NOL10: variants seen among roughly 807,000 people sequenced by gnomAD.
NOL10 encodes nucleolar protein 10.
A neutral mutation model predicts 103.5 loss-of-function variants in NOL10; 58 were observed. That is an observed-to-expected ratio of 0.56 (90% CI 0.45 to 0.70). The LOEUF (loss-of-function observed/expected upper bound fraction) is 0.70, where lower values mean the gene tolerates loss of function less well. NOL10 is among the 30% of genes least tolerant of loss of function. The pLI is 0.00. For missense variants in NOL10, 763 were observed against 807.3 expected, an observed-to-expected ratio of 0.95 and a Z score of 0.67; for synonymous variants, 287 against 282.5, an observed-to-expected ratio of 1.02 and a Z score of -0.16.
chr2:10,651,214 G>A (rs1679431041), intron 12 of NOL10, among the ~76,000 whole-genome samples: 1 of 152,108 alleles, frequency 6.6e-6, no homozygotes, highest in Admixed American at 6.6e-5. Flanking sequence ...GTCTCTTTGG[G>A]CTTCTATATC....
rs532526160 is a variant in NOL10 at position 10,685,776 on chromosome 2, A to G, written c.67-1164T>C. 5.3e-5 allele frequency among the ~76,000 whole-genome samples: 8 copies of G among 151,740 alleles called. No individual in the cohort carries two copies. The South Asian group carries it at 1.0e-3, about 20-fold the overall frequency. ...AGCAGTAGTAAATAAAACAGGAGGG[A>G]AAAAAAAGCCCTCTTGGCCAAGTGC... On this transcript the variant is annotated intron_variant, in intron 1 of 20. Coordinates refer to ENST00000381685, the MANE Select transcript of NOL10 (RefSeq NM_024894.4).
intron 12 of NOL10, among the ~76,000 whole-genome samples, chr2:10,654,219 C>CGTTCCACTAATAGCTGGGCG (rs1329821432): frequency 6.6e-6 from 1 of 152,168 alleles, no homozygotes; most frequent in Non-Finnish European, 1.5e-5. Flanking sequence ...GCTGTTACCA[C>CGTTCCACTAATAGCTGGGCG]GTTCCACTAA....
chr2:10,675,777 T>C lies in NOL10; in HGVS notation c.289+17A>G. ...AAAAAGCCATTTTCATGAATTCAAA[T>C]TTAGCTTTTTACTCACCTTCTGAAT... On this transcript the variant is annotated intron_variant, in intron 4 of 20. Coordinates refer to ENST00000381685, the MANE Select transcript of NOL10 (RefSeq NM_024894.4). 6.9e-7 allele frequency: 1 copy of C among 1,444,206 alleles called. No homozygotes were observed. The highest frequency in any genetic ancestry group is 9.4e-7 in the Non-Finnish European group (1 of 1,062,088). The allele number at this position is 1,444,206 out of a possible 1,614,324, so 89.5% of individuals were successfully genotyped here.
chr2:10,689,733 G>T (rs1682494517), intron 1 of NOL10, 63 bp downstream of exon 1: 4 of 1,482,880 alleles, frequency 2.7e-6, no homozygotes, highest in East Asian at 2.4e-5. Context: ...GAGAGGGGCG[G>T]CTGCCCCACG....
chr2:10,626,384 T>A (rs1032596297), intron 13 of NOL10, among the ~76,000 whole-genome samples: 9 of 152,098 alleles, frequency 5.9e-5, no homozygotes, highest in African/African-American at 2.2e-4. Flanking sequence ...TACGTTGGGA[T>A]TTGAGAACAC....
chr2:10,655,041 C>T (rs1007630466), intron 11 of NOL10, among the ~76,000 whole-genome samples: 4 of 151,798 alleles, frequency 2.6e-5, no homozygotes, highest in African/African-American at 9.7e-5. Context: ...GAAACTCCGA[C>T]TCTACTAAAA....
intron 12 of NOL10, among the ~76,000 whole-genome samples, chr2:10,653,120 CAGG>C (rs1300859231): frequency 6.6e-6 from 1 of 151,032 alleles, no homozygotes; most frequent in African/African-American, 2.4e-5. Context: ...CGCTTGAACC[CAGG>C]AGAAGAGGTT....
At chr2:10,618,076 T>C (rs532236469) in intron 13 of NOL10, among the ~76,000 whole-genome samples, 3 of 151,344 alleles carry the variant, frequency 2.0e-5, no homozygotes, top group Non-Finnish European at 4.4e-5. Flanking sequence ...GGGGTCTCAC[T>C]ATGTTACCCA....
At chr2:10,587,234 T>TATACACACAC (rs1558270840) in intron 19 of NOL10, among the ~76,000 whole-genome samples, 1 of 52,546 alleles carries the variant, frequency 1.9e-5, no homozygotes. Context: ...TATACATATA[T>TATACACACAC]ATATACATAC....
chr2:10,645,940 C>CAT, intron 12 of NOL10, among the ~76,000 whole-genome samples: 2 of 116,006 alleles, frequency 1.7e-5, no homozygotes, highest in East Asian at 2.8e-4. Flanking sequence ...CACACACACA[C>CAT]ACATACACAC....
At chr2:10,640,442 C>T (rs1156318292) in intron 13 of NOL10, among the ~76,000 whole-genome samples, 1 of 152,182 alleles carries the variant, frequency 6.6e-6, no homozygotes, top group African/African-American at 2.4e-5. Context: ...CTTCGCTTAG[C>T]AAAAGCAACT....
chr2:10,578,766 AAC>A (rs1674601617), intron 19 of NOL10, among the ~76,000 whole-genome samples: 1 of 152,234 alleles, frequency 6.6e-6, no homozygotes, highest in South Asian at 2.1e-4. Flanking sequence ...AGTAAGTTTA[AAC>A]AGTTACTCTA....
chr2:10,659,272 C>A, intron 9 of NOL10, 22 bp from the exon 10 acceptor site: 4 of 1,440,454 alleles, frequency 2.8e-6, no homozygotes, highest in Non-Finnish European at 3.8e-6. Flanking sequence ...AATATTCATG[C>A]TTCATGAATA....
At chr2:10,610,229 T>C (rs728281) in intron 13 of NOL10, among the ~76,000 whole-genome samples, 89,966 of 151,996 alleles carry the variant, frequency 0.59, 27,630 homozygotes, top group African/African-American at 0.74. Context: ...TCAAAGACAA[T>C]AAAAAGATTA....
intron 13 of NOL10, among the ~76,000 whole-genome samples, chr2:10,638,483 C>CTTTTTTTTTTTTTTTTT (rs869294782): frequency 6.4e-5 from 5 of 77,778 alleles, no homozygotes; most frequent in African/African-American, 1.1e-4. Flanking sequence ...GCTGAATTCC[C>CTTTTTTTTTTTTTTTTT]TTTTTTTTTT....
chr2:10,639,645 T>C (rs532356089), intron 13 of NOL10, among the ~76,000 whole-genome samples: 3 of 152,260 alleles, frequency 2.0e-5, no homozygotes, highest in African/African-American at 7.2e-5. Context: ...CATAGGGGAC[T>C]TGGATTCCCT....
intron 13 of NOL10, among the ~76,000 whole-genome samples, chr2:10,613,013 AGAGAG>A (rs1676652115): frequency 6.7e-6 from 1 of 149,896 alleles, no homozygotes; most frequent in African/African-American, 2.4e-5. Context: ...AAAAAAAAAA[AGAGAG>A]AAAGAAGACC....
intron 12 of NOL10, among the ~76,000 whole-genome samples, chr2:10,653,110 C>T (rs572519969): frequency 1.3e-5 from 2 of 151,654 alleles, no homozygotes; most frequent in South Asian, 2.1e-4. Flanking sequence ...GCATGAGAAT[C>T]GCTTGAACCC....
intron 11 of NOL10, among the ~76,000 whole-genome samples, chr2:10,656,277 G>T (rs1156632942): frequency 6.6e-6 from 1 of 152,108 alleles, no homozygotes; most frequent in Admixed American, 6.5e-5. Context: ...GAAAGTTCTG[G>T]TCTAAGATCA....
Sources: allele counts gnomAD v4.1 joint callset (sites outside exome capture counted in the v4.1 genomes callset), GRCh38; gene constraint gnomAD v4.1.1; transcripts MANE v1.5; gene names NCBI Gene and HGNC (gene_info 2026-07-23, HGNC 2026-07-21).